The following VPS54 variants were observed in gnomAD, a reference collection of about 807,000 sequenced individuals.
VPS54 encodes the protein VPS54 subunit of GARP complex, also known as vacuolar protein sorting-associated protein 54.
VPS54 carries 45 observed loss-of-function variants against 121.5 expected under a neutral mutation model. The ratio of observed to expected loss-of-function variants is 0.37; its 90% CI spans 0.29 to 0.47. The LOEUF (loss-of-function observed/expected upper bound fraction) is 0.47. VPS54 is among the 20% of genes least tolerant of loss of function. The pLI, the probability that VPS54 is intolerant of heterozygous loss-of-function variation, is 0.99. For synonymous variants in VPS54, 371 were observed against 385.8 expected (o/e 0.96, Z 0.45); for missense variants, 1,090 against 1,131.4 (o/e 0.96, Z 0.52).
At chr2:63,973,387 A>G (rs1676374633) in intron 3 of VPS54, among the ~76,000 whole-genome samples, 1 of 152,170 alleles carries the variant, frequency 6.6e-6, no homozygotes, top group Non-Finnish European at 1.5e-5. Context: ...ATAACATAAA[A>G]TTTATCACGT....
chr2:64,011,502 G>C (rs1282796052), intron 1 of VPS54, among the ~76,000 whole-genome samples: 1 of 152,078 alleles, frequency 6.6e-6, no homozygotes, highest in Non-Finnish European at 1.5e-5. Context: ...GAACGGGGAG[G>C]TTGCAGTGAG....
At chr2:63,976,159 T>C (rs901034038) in intron 3 of VPS54, among the ~76,000 whole-genome samples, 6 of 151,972 alleles carry the variant, frequency 3.9e-5, no homozygotes, top group Non-Finnish European at 8.8e-5. Context: ...CTGGACAACA[T>C]GGCAAAACCC....
intron 7 of VPS54, among the ~76,000 whole-genome samples, chr2:63,955,336 T>C (rs1675443435): frequency 6.6e-6 from 1 of 152,168 alleles, no homozygotes. Context: ...ATTATTTTTA[T>C]GAAGATCATT....
At chr2:64,011,439 G>C in intron 1 of VPS54, among the ~76,000 whole-genome samples, 1 of 152,052 alleles carries the variant, frequency 6.6e-6, no homozygotes, top group African/African-American at 2.4e-5. Context: ...GGTGGTGCAC[G>C]CCTGTAGTCC....
At chr2:63,941,894 C>A (rs548597562) in intron 11 of VPS54, among the ~76,000 whole-genome samples, 1 of 151,720 alleles carries the variant, frequency 6.6e-6, no homozygotes, top group South Asian at 2.1e-4. Flanking sequence ...ATTAGCCAGG[C>A]GTGGTGGCAC....
At position 63,945,639 on chromosome 2, in the gene VPS54, A is replaced by T. The variant is rs1674944868; in HGVS notation, c.1246-984T>A. 2.6e-5 allele frequency among the ~76,000 whole-genome samples: 4 copies of T among 152,184 alleles called. No homozygotes were observed. The South Asian group carries it at 8.3e-4, about 32-fold the overall frequency. On this transcript the variant is annotated intron_variant, in intron 9 of 22. Coordinates refer to ENST00000272322, the MANE Select transcript of VPS54 (RefSeq NM_016516.3). ...TCACAGTGTTTGAAAAGCTGATTAC[A>T]ATTAGCCAATTAAATAATTATTTCA...
intron 11 of VPS54, among the ~76,000 whole-genome samples, chr2:63,941,214 CTTT>C (rs1161144432): frequency 2.0e-5 from 3 of 151,952 alleles, no homozygotes; most frequent in African/African-American, 4.8e-5. Context: ...TGATTGTATT[CTTT>C]TTTTATTTTT....
At chr2:63,976,755 C>T (rs543399057) in intron 3 of VPS54, among the ~76,000 whole-genome samples, 1 of 151,384 alleles carries the variant, frequency 6.6e-6, no homozygotes, top group South Asian at 2.1e-4. Context: ...TCTTATTATC[C>T]TTTTAATGTC....
intron 7 of VPS54, among the ~76,000 whole-genome samples, chr2:63,952,531 T>A (rs568757464): frequency 1.3e-5 from 2 of 152,324 alleles, no homozygotes; most frequent in African/African-American, 2.4e-5. Flanking sequence ...ACACAATTTT[T>A]AAAAAATTAG....
intron 7 of VPS54, among the ~76,000 whole-genome samples, chr2:63,951,153 A>G (rs975904888): frequency 1.3e-5 from 2 of 152,088 alleles, no homozygotes; most frequent in Non-Finnish European, 2.9e-5. Context: ...TTGCAAAAAG[A>G]AAAGGTTTTT....
chr2:63,994,198 C>G (rs1677470255), intron 1 of VPS54, among the ~76,000 whole-genome samples: 1 of 152,156 alleles, frequency 6.6e-6, no homozygotes, highest in Non-Finnish European at 1.5e-5. Flanking sequence ...CTTTCTTTTT[C>G]TCCTTACAAA....
chr2:63,944,554 A>G, intron 10 of VPS54, 46 bp downstream of exon 10: 1 of 1,510,130 alleles, frequency 6.6e-7, no homozygotes, highest in Non-Finnish European at 9.2e-7. Context: ...TACATCTATC[A>G]TCTTTTCTCT....
At chr2:63,902,339 G>A (rs1672714884) in intron 20 of VPS54, among the ~76,000 whole-genome samples, 1 of 152,100 alleles carries the variant, frequency 6.6e-6, no homozygotes, top group Non-Finnish European at 1.5e-5. Context: ...TAAACACAAG[G>A]TAGTAGCAGC....
intron 7 of VPS54, among the ~76,000 whole-genome samples, chr2:63,955,228 A>G (rs1675437892): frequency 6.6e-6 from 1 of 152,028 alleles, no homozygotes; most frequent in Non-Finnish European, 1.5e-5. Context: ...TTCTTTTCAT[A>G]TAATTTCCTT....
chr2:63,907,518 C>CAAAAA (rs113824223), intron 20 of VPS54, among the ~76,000 whole-genome samples: 11 of 89,406 alleles, frequency 1.2e-4, no homozygotes, highest in East Asian at 4.1e-4. Context: ...AACTCCATCT[C>CAAAAA]AAAAAAAAAA....
At chr2:64,002,423 G>GT (rs1677926561) in intron 1 of VPS54, among the ~76,000 whole-genome samples, 1 of 152,144 alleles carries the variant, frequency 6.6e-6, no homozygotes, top group Non-Finnish European at 1.5e-5. Context: ...ATCTTGCTCT[G>GT]TACCCCCAAA....
In VPS54 at chr2:63,949,163, C is replaced by T. The variant is rs375030990; in HGVS notation, c.1011G>A (p.Arg337=). The T allele has an allele frequency of 6.2e-7, 1 of 1,601,780 alleles. No individual in the cohort carries two copies. The highest frequency in any genetic ancestry group is 8.5e-7 in the Non-Finnish European group (1 of 1,177,188). ...ATTCACAAAGCTGTGATCCCAAATG[C>T]CTAAAAAGGAAGAGAAAAATGTTAT... The part of the protein sequence containing the change: ...QQELQGIHSF[R]HLGSQLCELE... Residue 337 remains arginine (R), a splice_region_variant and synonymous_variant, in exon 8 of 23, where the codon CGG becomes CGA. Transcript: ENST00000272322.
intron 20 of VPS54, among the ~76,000 whole-genome samples, chr2:63,904,073 CA>C (rs1672800436): frequency 1.3e-5 from 2 of 151,734 alleles, no homozygotes; most frequent in African/African-American, 2.4e-5. Context: ...AAACACTATT[CA>C]AAAAAATTGG....
intron 3 of VPS54, among the ~76,000 whole-genome samples, chr2:63,976,825 CTTTT>C (rs1174931536): frequency 1.1e-5 from 1 of 89,680 alleles, no homozygotes. Context: ...TATATCTTCT[CTTTT>C]TTTTTTTTTT....
Sources: allele counts gnomAD v4.1 joint callset (sites outside exome capture counted in the v4.1 genomes callset), GRCh38; gene constraint gnomAD v4.1.1; transcripts MANE v1.5; gene names NCBI Gene and HGNC (gene_info 2026-07-23, HGNC 2026-07-21).